The following ARHGAP15 variants were observed in gnomAD, a reference collection of about 807,000 sequenced individuals.
The protein encoded by ARHGAP15 is Rho GTPase activating protein 15, also known as rho GTPase-activating protein 15.
A neutral mutation model predicts 63.7 loss-of-function variants in ARHGAP15; 51 were observed. That is an observed-to-expected ratio of 0.80 (90% CI 0.64 to 1.01). The LOEUF (loss-of-function observed/expected upper bound fraction) is 1.01. Among genes scored for constraint, ARHGAP15 ranks in the 50% least tolerant of loss-of-function variants. ARHGAP15 has a pLI of 0.00. For synonymous variants in ARHGAP15, 191 were observed against 193.8 expected (o/e 0.99, Z 0.12); for missense variants, 560 against 564.6 (o/e 0.99, Z 0.08).
intron 13 of ARHGAP15, among the ~76,000 whole-genome samples, chr2:143,722,153 C>T (rs1422154429): frequency 6.6e-6 from 1 of 151,880 alleles, no homozygotes; most frequent in Non-Finnish European, 1.5e-5. Flanking sequence ...ACAGAATTCA[C>T]TTTAGATACT....
Position 143,346,951 on chromosome 2 carries a change from G to A in ARHGAP15, c.475-88650G>A, listed in dbSNP as rs186258485. On this transcript the variant is annotated intron_variant, in intron 6 of 13. Transcript: ENST00000295095. ...TATGATCTCTACAATTTGCTTCAGGGCAAACTAGATTCTGGGATATTCTAT... is the reference window on the plus strand; with the variant it reads ...TATGATCTCTACAATTTGCTTCAGGACAAACTAGATTCTGGGATATTCTAT... Among the ~76,000 whole-genome samples the A allele has an allele frequency of 2.9e-3, 439 of 152,038 alleles. 5 individuals are homozygous for A. The highest frequency in any genetic ancestry group is 4.0e-3 in the Non-Finnish European group (271 of 67,988).
At chr2:143,626,712 A>T (rs1698850563) in intron 12 of ARHGAP15, among the ~76,000 whole-genome samples, 1 of 152,036 alleles carries the variant, frequency 6.6e-6, no homozygotes, top group Non-Finnish European at 1.5e-5. Flanking sequence ...TTTACAGAGC[A>T]CTGGTTGGTG....
intron 6 of ARHGAP15, among the ~76,000 whole-genome samples, chr2:143,332,973 GAA>G (rs34554225): frequency 8.3e-5 from 9 of 108,382 alleles, no homozygotes; most frequent in Admixed American, 8.8e-5. Context: ...CATTTAAAAT[GAA>G]AAAAAAAAAA....
chr2:143,254,727 A>G (rs1341308987), intron 6 of ARHGAP15, among the ~76,000 whole-genome samples: 2 of 152,128 alleles, frequency 1.3e-5, no homozygotes, highest in Admixed American at 6.6e-5. Flanking sequence ...TTGTCTCCCC[A>G]AAGAAAATAC....
chr2:143,456,774 T>C (rs917649391), intron 8 of ARHGAP15, among the ~76,000 whole-genome samples: 34 of 151,868 alleles, frequency 2.2e-4, no homozygotes, highest in African/African-American at 8.2e-4. Flanking sequence ...TAACTTGCCT[T>C]TAAGTTTTAT....
At chr2:143,722,430 C>T (rs574424568) in intron 13 of ARHGAP15, among the ~76,000 whole-genome samples, 7 of 152,054 alleles carry the variant, frequency 4.6e-5, no homozygotes, top group African/African-American at 1.7e-4. Context: ...CTGAAGCTGG[C>T]AGGGCAAAGT....
intron 9 of ARHGAP15, among the ~76,000 whole-genome samples, chr2:143,508,577 A>G (rs1693428112): frequency 6.6e-6 from 1 of 152,166 alleles, no homozygotes; most frequent in African/African-American, 2.4e-5. Context: ...ACTTGGTGAA[A>G]CCCTTCTCTA....
At chr2:143,182,915 G>T (rs1344589323) in intron 2 of ARHGAP15, among the ~76,000 whole-genome samples, 1 of 152,128 alleles carries the variant, frequency 6.6e-6, no homozygotes. Context: ...GCAGCAGAGT[G>T]GTTCAGGGTA....
intron 5 of ARHGAP15, chr2:143,237,058 A>G (rs1386926973): frequency 6.6e-6 from 1 of 152,154 alleles, no homozygotes; most frequent in Admixed American, 6.6e-5. Flanking sequence ...GGGAGAAGAG[A>G]TCATTTCATT....
chr2:143,686,201 G>A (rs988668322), intron 12 of ARHGAP15, among the ~76,000 whole-genome samples: 1 of 151,836 alleles, frequency 6.6e-6, no homozygotes, highest in Non-Finnish European at 1.5e-5. Flanking sequence ...GAGGTCAGGA[G>A]TTTGAGACCA....
At chr2:143,231,916 A>G (rs1308727693) in intron 5 of ARHGAP15, among the ~76,000 whole-genome samples, 1 of 152,182 alleles carries the variant, frequency 6.6e-6, no homozygotes, top group African/African-American at 2.4e-5. Flanking sequence ...CACTAATCCC[A>G]TTCATGAGGG....
At chr2:143,277,044 T>C (rs1681594669) in intron 6 of ARHGAP15, among the ~76,000 whole-genome samples, 1 of 152,104 alleles carries the variant, frequency 6.6e-6, no homozygotes. Flanking sequence ...ACAGTGTTCT[T>C]TGTAGTTGTC....
intron 11 of ARHGAP15, among the ~76,000 whole-genome samples, chr2:143,558,058 G>A (rs375057008): frequency 6.6e-6 from 1 of 152,094 alleles, no homozygotes; most frequent in African/African-American, 2.4e-5. Flanking sequence ...ACAGACTCAT[G>A]TTAGTTTTCC....
At chr2:143,361,870 A>T (rs1286244599) in intron 6 of ARHGAP15, among the ~76,000 whole-genome samples, 1 of 152,182 alleles carries the variant, frequency 6.6e-6, no homozygotes, top group Non-Finnish European at 1.5e-5. Flanking sequence ...GTTCACTGTT[A>T]ATAATTTCTC....
intron 3 of ARHGAP15, among the ~76,000 whole-genome samples, chr2:143,208,857 G>A (rs1292850737): frequency 6.6e-6 from 1 of 152,074 alleles, no homozygotes; most frequent in Non-Finnish European, 1.5e-5. Context: ...TGTAAGACAT[G>A]TCTATGGAAA....
At chr2:143,586,112 T>C (rs1697097904) in intron 11 of ARHGAP15, among the ~76,000 whole-genome samples, 2 of 152,152 alleles carry the variant, frequency 1.3e-5, no homozygotes, top group Admixed American at 1.3e-4. Flanking sequence ...TCAGTGTTGC[T>C]GTGAAGTTCT....
intron 6 of ARHGAP15, among the ~76,000 whole-genome samples, chr2:143,303,550 G>T (rs1380134051): frequency 1.3e-5 from 2 of 152,002 alleles, no homozygotes; most frequent in Non-Finnish European, 2.9e-5. Flanking sequence ...CAGGACATAG[G>T]CATGGGCAAG....
intron 2 of ARHGAP15, among the ~76,000 whole-genome samples, chr2:143,167,484 T>G (rs749846135): frequency 4.6e-5 from 7 of 152,012 alleles, no homozygotes; most frequent in Non-Finnish European, 1.0e-4. Context: ...CCAGATTGGA[T>G]TCAGTATGCA....
At chr2:143,413,276 A>G (rs1278050682) in intron 6 of ARHGAP15, among the ~76,000 whole-genome samples, 1 of 152,170 alleles carries the variant, frequency 6.6e-6, no homozygotes, top group Admixed American at 6.5e-5. Context: ...AGTAGAGATG[A>G]TGTTTATTCA....
Sources: gnomAD v4.1 joint callset for allele counts (sites outside exome capture counted in the v4.1 genomes callset) on GRCh38, gnomAD v4.1.1 for gene constraint, MANE v1.5 for transcripts, NCBI Gene and HGNC (gene_info 2026-07-23, HGNC 2026-07-21) for gene names.